Variants in COL6A2 observed in about 807,000 individuals in gnomAD.
COL6A2 encodes collagen type VI alpha 2 chain, also known as collagen alpha-2(VI) chain.
COL6A2 carries 90 observed loss-of-function variants against 124.9 expected under a neutral mutation model. That is an observed-to-expected ratio of 0.72 (90% CI 0.61 to 0.86). The LOEUF is 0.86. Among genes scored for constraint, COL6A2 ranks in the 40% least tolerant of loss-of-function variants. COL6A2 has a pLI of 0.00. For missense variants in COL6A2, 1,607 were observed against 1,502.5 expected (o/e 1.07, Z -1.15); for synonymous variants, 793 against 618.2 (o/e 1.28, Z -4.19).
At position 46,132,543 on chromosome 21, in the gene COL6A2, G is replaced by C. The variant is rs2078776827; in HGVS notation, c.3051G>C (p.Trp1017Cys). 6.2e-7 allele frequency: 1 copy of C among 1,602,562 alleles called. No individual in the cohort carries two copies. Among genetic ancestry groups the C allele is most frequent in the Non-Finnish European group, 8.5e-7 (1 of 1,178,552 alleles). Residue 1017 changes from tryptophan to cysteine, a missense_variant, in exon 28 of 28, where the codon TGG becomes TGC. This residue lies in a region of COL6A2 where 1,223 missense variants were observed against 1,052.2 expected (regional missense o/e 1.16). Coordinates refer to ENST00000300527, the MANE Select transcript of COL6A2 (RefSeq NM_001849.4). ...QPGFFDRFIR[W>C]IC is the part of the protein sequence containing the mutation. ...GCTTCTTCGACCGCTTCATCCGCTG[G>C]ATCTGCTAGCGCCGCCGCCCGGGCC...
rs535469666 is a variant in COL6A2, at chr21:46,112,379, C to T, written c.516C>T (p.Gly172=). ...DGHVTGSPCG[G]IKLQAERARE... is the part of the protein sequence containing the mutation. ...ACGTCACCGGCAGCCCCTGCGGGGG[C>T]ATCAAGCTGCAGGCCGAGCGGGCCC... Residue 172 remains glycine, a synonymous_variant, in exon 3 of 28, where the codon GGC becomes GGT. Transcript: ENST00000300527. 3 of 1,608,172 alleles carry T rather than the reference C, an allele frequency of 1.9e-6. No individual in the cohort carries two copies. The highest frequency in any genetic ancestry group is 1.3e-5 in the African/African-American group (1 of 74,962).
intron 13 of COL6A2, 105 bp from the exon 14 acceptor site, chr21:46,118,925 A>G (rs1382824583): frequency 2.9e-6 from 3 of 1,044,876 alleles, no homozygotes; most frequent in Non-Finnish European, 4.4e-6. Context: ...TGGCAAGCAG[A>G]TTCCGCTGGA....
At chr21:46,123,293 C>T (rs1266293068) in intron 21 of COL6A2, among the ~76,000 whole-genome samples, 1 of 150,500 alleles carries the variant, frequency 6.6e-6, no homozygotes, top group Admixed American at 6.6e-5. Context: ...ATAGCATCCC[C>T]TCCAGAGTCC....
intron 27 of COL6A2, among the ~76,000 whole-genome samples, chr21:46,128,047 C>T (rs554074730): frequency 2.6e-4 from 40 of 152,330 alleles, no homozygotes; most frequent in African/African-American, 7.2e-4. Flanking sequence ...TTTCTTTTCT[C>T]GTGATCTCTC....
At chr21:46,123,730 TGGTTAGATGATGGATGGCTGA>T (rs1472132844) in intron 21 of COL6A2, among the ~76,000 whole-genome samples, 2 of 135,566 alleles carry the variant, frequency 1.5e-5, no homozygotes, top group East Asian at 2.4e-4. Context: ...GGCGAGTGTG[TGGTTAGATGATGGATGGCTGA>T]ATGGATGAGT....
In COL6A2 at chr21:46,116,915, G is replaced by A; in HGVS notation, c.999+101G>A. The A allele has an allele frequency of 1.0e-6, 1 of 1,004,942 alleles. No homozygotes were observed. The allele number at this position is 1,004,942 out of a possible 1,614,324, so 62.3% of individuals were successfully genotyped here. On this transcript the variant is annotated intron_variant, in intron 10 of 27. Transcript: ENST00000300527. The surrounding 1 kb of genome is among the most constrained non-coding windows in gnomAD (Gnocchi z 4.6). ...GCCTGATCTGTCAGCTTACACATGT[G>A]TACACACGCATACACACACACACAC...
At chr21:46,129,487 G>A (rs1200729508) in intron 27 of COL6A2, 2 of 1,575,556 alleles carry the variant, frequency 1.3e-6, no homozygotes, top group Non-Finnish European at 1.7e-6. Context: ...CTGGCCCTCT[G>A]CTAAAGCCCG....
At chr21:46,128,744 C>T (rs1450125591) in intron 27 of COL6A2, among the ~76,000 whole-genome samples, 2 of 152,222 alleles carry the variant, frequency 1.3e-5, no homozygotes, top group Admixed American at 6.5e-5. Context: ...CAGGGGAAGA[C>T]AGTTCTGGGT....
rs553989736 is a variant in COL6A2 at position 46,116,467 on chromosome 21, C to T, written c.927+64C>T. Reference sequence around the variant, plus strand: ...GCCTCGGCCCAGACCCACCTCTTGGCGTCCGCCGCAGCCTGTCACTGCTCC... The same window carrying T: ...GCCTCGGCCCAGACCCACCTCTTGGTGTCCGCCGCAGCCTGTCACTGCTCC... On this transcript the variant is annotated intron_variant, in intron 8 of 27. Coordinates refer to ENST00000300527, the MANE Select transcript of COL6A2 (RefSeq NM_001849.4). The surrounding 1 kb of genome is among the most constrained non-coding windows in gnomAD (Gnocchi z 4.6). 3.0e-5 allele frequency: 48 copies of T among 1,601,670 alleles called. No homozygotes were observed. Among genetic ancestry groups the T allele is most frequent in the Non-Finnish European group, 3.4e-5 (40 of 1,171,452 alleles).
rs773733233 is a variant in COL6A2 at position 46,131,148 on chromosome 21, C to A, written c.2462-806C>A. ...AAACTGGCTCTGTCCCTCCCCTCCCCCATCCCAGGAGCTGAGGTCTTGGTG... is the reference window on the plus strand; with the variant it reads ...AAACTGGCTCTGTCCCTCCCCTCCCACATCCCAGGAGCTGAGGTCTTGGTG... On this transcript the variant is annotated intron_variant, in intron 27 of 27. Coordinates refer to ENST00000300527, the MANE Select transcript of COL6A2 (RefSeq NM_001849.4). 8.5e-5 allele frequency among the ~76,000 whole-genome samples: 13 copies of A among 152,354 alleles called. No homozygotes were observed. In the East Asian group the frequency reaches 2.1e-3, roughly 25 times the overall value.
At chr21:46,120,348 G>A (rs1012330056) in intron 15 of COL6A2, among the ~76,000 whole-genome samples, 167 bp from the exon 16 acceptor site, 1 of 152,160 alleles carries the variant, frequency 6.6e-6, no homozygotes, top group Non-Finnish European at 1.5e-5. Context: ...ACAGGCACCG[G>A]GAAGGAGCTA....
intron 15 of COL6A2, among the ~76,000 whole-genome samples, chr21:46,120,302 G>T (rs970320026): frequency 9.2e-5 from 14 of 152,166 alleles, no homozygotes; most frequent in African/African-American, 3.4e-4. Context: ...GGTGGCCTCA[G>T]GGGGACCGAG....
rs759759201 is a variant in COL6A2 at position 46,112,808 on chromosome 21, A to G, written c.719A>G (p.His240Arg). 1.2e-6 allele frequency: 2 copies of G among 1,613,776 alleles called. No individual in the cohort carries two copies. Among genetic ancestry groups the G allele is most frequent in the Non-Finnish European group, 1.7e-6 (2 of 1,180,028 alleles). The change falls in exon 4 of 28, where the codon CAC becomes CGC. Residue 240 changes from histidine (H) to arginine (R), a missense_variant. Around this residue, in one of 3 missense-constraint regions of COL6A2, gnomAD observed 342 missense variants for 381.5 expected, o/e 0.90. Coordinates refer to ENST00000300527, the MANE Select transcript of COL6A2 (RefSeq NM_001849.4). ...GCATGTCTGTCTTTTCTGCAGAAAC[A>G]CGAAGCCTACGGAGAGGTGAGTGGC... The part of the protein sequence containing the change: ...TINRIIKVMK[H>R]EAYGECYKVS...
intron 10 of COL6A2, 114 bp from the exon 11 acceptor site, chr21:46,117,283 CAGG>C: frequency 9.5e-7 from 1 of 1,055,038 alleles, no homozygotes; most frequent in Admixed American, 2.1e-5. Flanking sequence ...ACCCGTGTGC[CAGG>C]AGGAGAGCGC....
chr21:46,124,253 ATGGGTTAGTGGGTGGC>A (rs1407791872), intron 21 of COL6A2, among the ~76,000 whole-genome samples: 1 of 150,436 alleles, frequency 6.6e-6, no homozygotes, highest in Non-Finnish European at 1.5e-5. Flanking sequence ...GGATGGATGG[ATGGGTTAGTGGGTGGC>A]TGGGTGGATA....
intron 23 of COL6A2, 60 bp from the exon 24 acceptor site, chr21:46,125,206 T>G: frequency 6.6e-7 from 1 of 1,507,414 alleles, no homozygotes; most frequent in Non-Finnish European, 9.2e-7. Flanking sequence ...GCCAGGACCT[T>G]GCTGTGGAAA....
Position 46,115,846 on chromosome 21 carries a change from C to T in COL6A2, c.802-26C>T, listed in dbSNP as rs200220416. 8.1e-6 allele frequency: 13 copies of T among 1,611,714 alleles called. No individual in the cohort carries two copies. The East Asian group carries it at 8.9e-5, about 11-fold the overall frequency. On this transcript the variant is annotated intron_variant, in intron 5 of 27. Coordinates refer to ENST00000300527, the MANE Select transcript of COL6A2 (RefSeq NM_001849.4). ...GCCTACCGCCCACCCTACCCTGCCT[C>T]GATGTACTCTTTTCTCTGCTTTTAG...
Position 46,125,771 on chromosome 21 carries a change from C to A in COL6A2, c.1970-14C>A, listed in dbSNP as rs749228434. ...CGAGGCCTCTGGCAACGACCTCACG[C>A]GTGCGGCTTGCAGGGACGCGTGTGG... On this transcript the variant is annotated splice_polypyrimidine_tract_variant and intron_variant, in intron 25 of 27. Transcript: ENST00000300527. 3 of 1,610,640 alleles carry A rather than the reference C, an allele frequency of 1.9e-6. No individual in the cohort carries two copies. The highest frequency in any genetic ancestry group is 2.7e-5 in the African/African-American group (2 of 74,896).
intron 27 of COL6A2, among the ~76,000 whole-genome samples, chr21:46,131,279 G>A (rs1027250504): frequency 1.3e-5 from 2 of 152,248 alleles, no homozygotes; most frequent in African/African-American, 2.4e-5. Flanking sequence ...CTGGGTTGTG[G>A]CTATGGCCAG....
Sources: gnomAD v4.1 joint callset for allele counts (sites outside exome capture counted in the v4.1 genomes callset) on GRCh38, gnomAD v4.1.1 for gene constraint, gnomAD v4.1.1 regional missense constraint, Gnocchi (gnomAD v3.1) non-coding constraint, MANE v1.5 for transcripts, NCBI Gene and HGNC (gene_info 2026-07-23, HGNC 2026-07-21) for gene names.